MCU: variants seen among roughly 807,000 people sequenced by gnomAD.
The protein encoded by MCU is mitochondrial calcium uniporter.
MCU carries 12 observed loss-of-function variants against 45.2 expected under a neutral mutation model. That is an observed-to-expected ratio of 0.27 (90% CI 0.17 to 0.43). The LOEUF (loss-of-function observed/expected upper bound fraction) is 0.43, where lower values mean the gene tolerates loss of function less well. MCU is among the 20% of genes least tolerant of loss of function. The pLI is 1.00. For missense variants in MCU, 324 were observed against 436.7 expected (o/e 0.74, Z 2.30); for synonymous variants, 160 against 165.1 (o/e 0.97, Z 0.24).
At chr10:72,827,440 CT>C (rs1343804572) in intron 1 of MCU, among the ~76,000 whole-genome samples, 2 of 152,078 alleles carry the variant, frequency 1.3e-5, no homozygotes, top group Non-Finnish European at 2.9e-5. Context: ...ATCATAATTA[CT>C]TTTATTTATC....
chr10:72,860,727 C>T (rs1328474351), intron 4 of MCU, among the ~76,000 whole-genome samples, 200 bp downstream of exon 4: 2 of 152,136 alleles, frequency 1.3e-5, no homozygotes, highest in Non-Finnish European at 2.9e-5. Context: ...AAAATCACTT[C>T]GATTCTGCCT....
intron 1 of MCU, among the ~76,000 whole-genome samples, chr10:72,791,315 A>C (rs1050795851): frequency 2.0e-5 from 3 of 152,212 alleles, no homozygotes; most frequent in Non-Finnish European, 4.4e-5. Flanking sequence ...GTTGTGCAGA[A>C]TGGACTGAAT....
At chr10:72,870,288 C>CT (rs942044763) in intron 5 of MCU, among the ~76,000 whole-genome samples, 239 of 151,664 alleles carry the variant, frequency 1.6e-3, no homozygotes, top group African/African-American at 5.5e-3. Context: ...ATTTTCTTTT[C>CT]TTTTTTTTGA....
intron 1 of MCU, among the ~76,000 whole-genome samples, chr10:72,712,581 C>T (rs966727474): frequency 6.6e-6 from 1 of 152,146 alleles, no homozygotes; most frequent in Admixed American, 6.5e-5. Flanking sequence ...AAAGGAGATG[C>T]GCCTTTTATG....
chr10:72,778,283 A>G (rs560066843), intron 1 of MCU, among the ~76,000 whole-genome samples: 2 of 152,360 alleles, frequency 1.3e-5, no homozygotes, highest in East Asian at 3.9e-4. Flanking sequence ...CTAAGTGCCC[A>G]TCAATGGATG....
intron 1 of MCU, among the ~76,000 whole-genome samples, chr10:72,757,739 G>A (rs1843599089): frequency 6.6e-6 from 1 of 152,176 alleles, no homozygotes; most frequent in Non-Finnish European, 1.5e-5. Context: ...CCATGAGAAT[G>A]TTCTTTGAAG....
intron 1 of MCU, among the ~76,000 whole-genome samples, chr10:72,694,490 A>G (rs143892563): frequency 2.5e-3 from 379 of 152,342 alleles, no homozygotes; most frequent in African/African-American, 8.7e-3. Context: ...GTCCATTATG[A>G]AAGTATTGCT....
At chr10:72,772,490 A>G (rs1447910147) in intron 1 of MCU, among the ~76,000 whole-genome samples, 2 of 152,220 alleles carry the variant, frequency 1.3e-5, no homozygotes, top group African/African-American at 4.8e-5. Context: ...TGAGGCCAGC[A>G]GTTCAAGACC....
At chr10:72,781,415 C>G (rs892189989) in intron 1 of MCU, among the ~76,000 whole-genome samples, 1 of 152,170 alleles carries the variant, frequency 6.6e-6, no homozygotes, top group African/African-American at 2.4e-5. Flanking sequence ...TTAAATGAAT[C>G]ATTGTAGAGT....
chr10:72,702,267 A>G (rs532695334), intron 1 of MCU, among the ~76,000 whole-genome samples: 1 of 152,184 alleles, frequency 6.6e-6, no homozygotes, highest in East Asian at 1.9e-4. Flanking sequence ...AAAGAAAAAA[A>G]AAAGAAGAAG....
At chr10:72,801,461 A>T (rs1257352483) in intron 1 of MCU, among the ~76,000 whole-genome samples, 1 of 150,658 alleles carries the variant, frequency 6.6e-6, no homozygotes, top group African/African-American at 2.4e-5. Context: ...TACTGGAGCT[A>T]ACATTAGAAC....
intron 6 of MCU, among the ~76,000 whole-genome samples, chr10:72,873,512 C>T (rs1686353350): frequency 6.6e-6 from 1 of 152,132 alleles, no homozygotes; most frequent in Middle Eastern, 3.2e-3. Context: ...AATCCTGTGT[C>T]ATATGAATAG....
intron 1 of MCU, among the ~76,000 whole-genome samples, chr10:72,748,999 C>T (rs896995805): frequency 5.9e-5 from 9 of 152,148 alleles, no homozygotes; most frequent in Admixed American, 1.3e-4. Flanking sequence ...TGATGGCTCA[C>T]GCCTATAATC....
chr10:72,883,225 G>T (rs1002933700), intron 6 of MCU, among the ~76,000 whole-genome samples: 1 of 152,124 alleles, frequency 6.6e-6, no homozygotes, highest in Non-Finnish European at 1.5e-5. Context: ...TGGGGGTTTG[G>T]GGGGAGAGGA....
intron 2 of MCU, among the ~76,000 whole-genome samples, chr10:72,858,723 A>G (rs1845330857): frequency 6.6e-6 from 1 of 152,174 alleles, no homozygotes; most frequent in Admixed American, 6.5e-5. Flanking sequence ...TACTATATAT[A>G]CATGAATTGA....
At chr10:72,741,098 C>CTTT (rs11310286) in intron 1 of MCU, among the ~76,000 whole-genome samples, 2 of 124,688 alleles carry the variant, frequency 1.6e-5, no homozygotes, top group Non-Finnish European at 3.5e-5. Flanking sequence ...TTTTCTTTTT[C>CTTT]TTTTTTTTTT....
intron 6 of MCU, among the ~76,000 whole-genome samples, chr10:72,875,832 C>T (rs1252122618): frequency 6.6e-6 from 1 of 152,228 alleles, no homozygotes; most frequent in Non-Finnish European, 1.5e-5. Context: ...GTAAGACTTG[C>T]CTGTGGGAGC....
intron 1 of MCU, among the ~76,000 whole-genome samples, chr10:72,823,640 A>G (rs1470538792): frequency 6.6e-6 from 1 of 152,212 alleles, no homozygotes; most frequent in Non-Finnish European, 1.5e-5. Flanking sequence ...ACACCTTGGC[A>G]TGGCTTTGTT....
At chr10:72,751,545 G>A (rs1705621297) in intron 1 of MCU, among the ~76,000 whole-genome samples, 2 of 150,840 alleles carry the variant, frequency 1.3e-5, no homozygotes, top group South Asian at 2.1e-4. Flanking sequence ...TGGTAGAGAC[G>A]GGGTTTCACC....
Sources: allele counts gnomAD v4.1 joint callset (sites outside exome capture counted in the v4.1 genomes callset), GRCh38; gene constraint gnomAD v4.1.1; transcripts MANE v1.5; gene names NCBI Gene and HGNC (gene_info 2026-07-23, HGNC 2026-07-21).